The following TCF12 variants were observed in gnomAD, a reference collection of about 807,000 sequenced individuals.
TCF12 encodes transcription factor 12.
In TCF12, 45 loss-of-function variants were observed where a neutral mutation model predicts 86.0. The ratio of observed to expected loss-of-function variants is 0.52; its 90% CI spans 0.41 to 0.67. TCF12 has a LOEUF of 0.67. TCF12 is among the 30% of genes least tolerant of loss of function. TCF12 has a pLI of 0.00. For missense variants in TCF12, 881 were observed against 859.9 expected (o/e 1.02, Z -0.31); for synonymous variants, 330 against 299.6 (o/e 1.10, Z -1.05).
intron 3 of TCF12, among the ~76,000 whole-genome samples, chr15:56,961,846 A>C (rs556643885): frequency 2.0e-5 from 3 of 152,252 alleles, no homozygotes; most frequent in Admixed American, 6.5e-5. Flanking sequence ...GTGGTGATAT[A>C]AAATATGTTT....
chr15:57,223,624 G>A (rs2058704424), intron 8 of TCF12, among the ~76,000 whole-genome samples: 2 of 123,116 alleles, frequency 1.6e-5, no homozygotes, highest in South Asian at 5.9e-4. Context: ...CATGGTTTTG[G>A]CACCTGCCTA....
intron 3 of TCF12, among the ~76,000 whole-genome samples, chr15:56,936,682 C>T (rs541145536): frequency 1.7e-4 from 26 of 152,260 alleles, no homozygotes; most frequent in Middle Eastern, 6.8e-3. Flanking sequence ...GATCCAATTT[C>T]GTTCTCTTAC....
chr15:57,189,220 A>G (rs1358943820), intron 6 of TCF12, among the ~76,000 whole-genome samples: 1 of 152,218 alleles, frequency 6.6e-6, no homozygotes, highest in East Asian at 1.9e-4. Flanking sequence ...TACAACATCA[A>G]AAGAATCAGC....
At chr15:57,185,698 C>T (rs1567587911) in intron 6 of TCF12, among the ~76,000 whole-genome samples, 1 of 152,128 alleles carries the variant, frequency 6.6e-6, no homozygotes, top group East Asian at 1.9e-4. Context: ...ACTGGGGCAA[C>T]ATAGTGAGAC....
chr15:57,055,621 A>T (rs1042026044), intron 3 of TCF12, among the ~76,000 whole-genome samples: 1 of 151,880 alleles, frequency 6.6e-6, no homozygotes, highest in African/African-American at 2.4e-5. Context: ...TTTTTTTTTC[A>T]CATCTGCTGG....
intron 6 of TCF12, among the ~76,000 whole-genome samples, chr15:57,189,215 C>T (rs2056849358): frequency 6.6e-6 from 1 of 152,104 alleles, no homozygotes; most frequent in Non-Finnish European, 1.5e-5. Flanking sequence ...TTAGATACAA[C>T]ATCAAAAGAA....
intron 8 of TCF12, 44 bp downstream of exon 8, chr15:57,197,869 T>C (rs1221233348): frequency 5.7e-6 from 9 of 1,592,314 alleles, no homozygotes; most frequent in Non-Finnish European, 6.9e-6. Flanking sequence ...ACAAACTGAT[T>C]TCAAGTGTTC....
At chr15:57,037,434 AAAAC>A (rs57821231) in intron 3 of TCF12, among the ~76,000 whole-genome samples, 11,117 of 151,094 alleles carry the variant, frequency 0.074, 693 homozygotes, top group Admixed American at 0.19. Context: ...AGAGCTCAAA[AAAAC>A]AAACAAACAA....
intron 15 of TCF12, 82 bp downstream of exon 15, chr15:57,252,574 A>G (rs2060167493): frequency 3.5e-6 from 4 of 1,136,694 alleles, no homozygotes; most frequent in East Asian, 5.0e-5. Flanking sequence ...TTTAAGCTGT[A>G]CAGACTCCCA....
Position 57,279,884 on chromosome 15 carries a change from CTT to C in TCF12, c.1979-2540_1979-2539del, listed in dbSNP as rs34752903. Reference sequence around the variant, plus strand: ...TGAGACTTTAACCTCCACAGTCTCACTTTTTTTTTTTTTTTTTTTTTTGGAGA... The same window carrying C: ...TGAGACTTTAACCTCCACAGTCTCACTTTTTTTTTTTTTTTTTTTTGGAGA... On this transcript the variant is annotated intron_variant, in intron 19 of 20. Transcript: ENST00000333725. 5.8e-3 allele frequency among the ~76,000 whole-genome samples: 566 copies of C among 98,184 alleles called. 2 individuals carry two copies. Among genetic ancestry groups the C allele is most frequent in the Non-Finnish European group, 6.9e-3 (371 of 53,794 alleles). 64.4% of individuals were successfully genotyped at this position (98,184 alleles called of 152,430 possible). A position where few individuals can be genotyped will look rare whatever the true frequency, so the allele number is the denominator to read the frequency against.
At chr15:56,922,700 C>A (rs1311233033) in intron 3 of TCF12, among the ~76,000 whole-genome samples, 1 of 151,910 alleles carries the variant, frequency 6.6e-6, no homozygotes, top group Non-Finnish European at 1.5e-5. Flanking sequence ...GTGGACTTAG[C>A]AATATTTATC....
intron 3 of TCF12, among the ~76,000 whole-genome samples, chr15:56,968,368 T>G (rs2062114142): frequency 6.6e-6 from 1 of 151,470 alleles, no homozygotes; most frequent in African/African-American, 2.4e-5. Flanking sequence ...TTTTTTGTTT[T>G]TTTTTTTTTT....
At chr15:57,176,792 G>T (rs2055944034) in intron 6 of TCF12, among the ~76,000 whole-genome samples, 1 of 152,200 alleles carries the variant, frequency 6.6e-6, no homozygotes, top group African/African-American at 2.4e-5. Flanking sequence ...TTGTTATGCA[G>T]TGAAAGAGCA....
chr15:56,922,710 C>G lies in TCF12; in HGVS notation c.148+1612C>G, dbSNP rs187498522. ...AGTCAGTGGACTTAGCAATATTTAT[C>G]TGTGTGTTTTGTTTTAAATGCTACA... On this transcript the variant is annotated intron_variant, in intron 3 of 20. Coordinates refer to ENST00000333725, the MANE Select transcript of TCF12 (RefSeq NM_207037.2). Among the ~76,000 whole-genome samples the G allele has an allele frequency of 5.4e-4, 82 of 152,038 alleles. 1 individual carries two copies. Among genetic ancestry groups the G allele is most frequent in the South Asian group, 1.5e-3 (7 of 4,818 alleles).
chr15:57,120,148 A>G (rs2051125623), intron 5 of TCF12, among the ~76,000 whole-genome samples: 1 of 152,208 alleles, frequency 6.6e-6, no homozygotes, highest in African/African-American at 2.4e-5. Context: ...TTTGCTAGAT[A>G]CTGCGTTGAC....
chr15:57,191,656 G>T (rs1315156532), intron 6 of TCF12, among the ~76,000 whole-genome samples: 2 of 152,166 alleles, frequency 1.3e-5, no homozygotes, highest in African/African-American at 4.8e-5. Flanking sequence ...CAGACAATGT[G>T]GCTGGGCGCA....
At chr15:57,228,572 GTC>G (rs1327288292) in intron 8 of TCF12, among the ~76,000 whole-genome samples, 1 of 152,008 alleles carries the variant, frequency 6.6e-6, no homozygotes, top group Non-Finnish European at 1.5e-5. Context: ...GGGAAGGCAA[GTC>G]TCTTTCTGTG....
In TCF12 at chr15:57,045,073, C is replaced by T. The variant is rs558886431; in HGVS notation, c.149-18677C>T. Among the ~76,000 whole-genome samples, 30 of 152,290 alleles carry T rather than the reference C, an allele frequency of 2.0e-4. No individual in the cohort carries two copies. In the South Asian group the frequency reaches 2.5e-3, roughly 13 times the overall value. ...TAGAAAACAGTAACATTTTCTGTCA[C>T]GTGTTAATCTTTTAAAACAACTCAG... On this transcript the variant is annotated intron_variant, in intron 3 of 20. Coordinates refer to ENST00000333725, the MANE Select transcript of TCF12 (RefSeq NM_207037.2).
intron 8 of TCF12, among the ~76,000 whole-genome samples, chr15:57,216,930 T>C (rs1264456746): frequency 6.6e-6 from 1 of 152,116 alleles, no homozygotes; most frequent in Non-Finnish European, 1.5e-5. Flanking sequence ...GTTTTGTTGA[T>C]GATTTACTGT....
Sources: allele counts gnomAD v4.1 joint callset (sites outside exome capture counted in the v4.1 genomes callset), GRCh38; gene constraint gnomAD v4.1.1; transcripts MANE v1.5; gene names NCBI Gene and HGNC (gene_info 2026-07-23, HGNC 2026-07-21).